AKAP9: variants seen among roughly 807,000 people sequenced by gnomAD.
The protein encoded by AKAP9 is A-kinase anchoring protein 9.
Under a neutral mutation model 488.5 loss-of-function variants are expected in AKAP9, and 311 were observed. The ratio of observed to expected loss-of-function variants is 0.64; its 90% CI spans 0.58 to 0.70. The LOEUF (loss-of-function observed/expected upper bound fraction) is 0.70, where lower values mean the gene tolerates loss of function less well. Among genes scored for constraint, AKAP9 ranks in the 30% least tolerant of loss-of-function variants. The pLI is 0.00. For missense variants in AKAP9, 4,215 were observed against 4,374.5 expected, an observed-to-expected ratio of 0.96 and a Z score of 1.03; for synonymous variants, 1,462 against 1,483.5, an observed-to-expected ratio of 0.99 and a Z score of 0.33.
intron 41 of AKAP9, 56 bp from the exon 42 acceptor site, chr7:92,097,530 T>G (rs749008420): frequency 2.6e-6 from 4 of 1,565,180 alleles, no homozygotes; most frequent in South Asian, 1.1e-5. Flanking sequence ...TAAGATAGAC[T>G]GTGATATGCT....
intron 7 of AKAP9, among the ~76,000 whole-genome samples, chr7:91,999,702 G>A (rs771093764): frequency 2.0e-5 from 3 of 152,158 alleles, no homozygotes; most frequent in Non-Finnish European, 4.4e-5. Flanking sequence ...CTTAAATGCT[G>A]TTTGCTGCAA....
intron 21 of AKAP9, 131 bp downstream of exon 21, chr7:92,045,344 C>T: frequency 1.2e-6 from 1 of 834,838 alleles, no homozygotes; most frequent in African/African-American, 1.7e-5. Context: ...AACAGAAATA[C>T]ATTAGAGCAA....
chr7:92,052,721 T>C lies in AKAP9; in HGVS notation c.5369-5T>C. 1.3e-6 allele frequency: 2 copies of C among 1,588,342 alleles called. No individual in the cohort carries two copies. Among genetic ancestry groups the C allele is most frequent in the Non-Finnish European group, 8.6e-7 (1 of 1,157,274 alleles). ...ATTTATGCCTTTAAAACACTGTTATTCTAGTTACAGATGAATCCATTCCCT... is the reference window on the plus strand; with the variant it reads ...ATTTATGCCTTTAAAACACTGTTATCCTAGTTACAGATGAATCCATTCCCT... On this transcript the variant is annotated splice_region_variant and splice_polypyrimidine_tract_variant and intron_variant, in intron 21 of 49. Coordinates refer to ENST00000356239, the MANE Select transcript of AKAP9 (RefSeq NM_005751.5).
intron 1 of AKAP9, among the ~76,000 whole-genome samples, chr7:91,959,552 C>T (rs1793476578): frequency 6.6e-6 from 1 of 152,132 alleles, no homozygotes; most frequent in Non-Finnish European, 1.5e-5. Flanking sequence ...GTGATCTTTC[C>T]ACTTTAGCTT....
In AKAP9 at chr7:92,096,881, C is replaced by T. The variant is rs771217988; in HGVS notation, c.9922C>T (p.Arg3308Ter). ...GGTACTTCTTGAATCTGAGAAAGTTCGAATTCGGGAAATGAGTAGTACCCT... is the reference window on the plus strand; with the variant it reads ...GGTACTTCTTGAATCTGAGAAAGTTTGAATTCGGGAAATGAGTAGTACCCT... ...LQVLLESEKVRIREMSSTLDR... is the reference protein window; with the variant it reads ...LQVLLESEKV Residue 3308 changes from arginine to a stop codon, truncating the protein, a stop_gained, in exon 41 of 50, where the codon CGA (arginine) becomes TGA (stop). Transcript: ENST00000356239. LOFTEE classifies it high-confidence loss of function. 2 of 1,614,078 alleles carry T rather than the reference C, an allele frequency of 1.2e-6. No individual in the cohort carries two copies. The highest frequency in any genetic ancestry group is 2.2e-5 in the East Asian group (1 of 44,880).
At chr7:92,010,153 G>T (rs1800486168) in intron 8 of AKAP9, among the ~76,000 whole-genome samples, 1 of 152,200 alleles carries the variant, frequency 6.6e-6, no homozygotes, top group Non-Finnish European at 1.5e-5. Flanking sequence ...TAAAGATAAA[G>T]TTATAGGAAA....
intron 17 of AKAP9, among the ~76,000 whole-genome samples, chr7:92,040,468 A>G (rs1458914647): frequency 2.0e-5 from 3 of 152,134 alleles, no homozygotes; most frequent in Non-Finnish European, 2.9e-5. Flanking sequence ...GAAAATAATG[A>G]TAAAGTAGCT....
chr7:92,022,194 A>C (rs761610680), intron 12 of AKAP9, 44 bp from the exon 13 acceptor site: 2 of 1,422,132 alleles, frequency 1.4e-6, no homozygotes, highest in South Asian at 2.3e-5. Flanking sequence ...TAATTGCTGG[A>C]TTATGTATTT....
chr7:92,086,270 C>T lies in AKAP9; in HGVS notation c.9067C>T (p.Arg3023Ter), dbSNP rs773435639. Reference protein sequence around the residue: ...SQSHESFSDWRGELLLALQQV... With the variant: ...SQSHESFSDW ...ATCTCATGAGAGCTTCTCAGACTGG[C>T]GAGGTGAACTACTGCTTGCCCTTCA... The change falls in exon 37 of 50, where the codon CGA (arginine) becomes TGA (stop). Residue 3023 changes from arginine (R) to a stop codon, truncating the protein, a stop_gained. Coordinates refer to ENST00000356239, the MANE Select transcript of AKAP9 (RefSeq NM_005751.5). LOFTEE classifies it high-confidence loss of function. 1.2e-6 allele frequency: 2 copies of T among 1,613,926 alleles called. No homozygotes were observed. The highest frequency in any genetic ancestry group is 1.3e-5 in the African/African-American group (1 of 74,896).
chr7:91,951,465 C>T (rs545934381), intron 1 of AKAP9, among the ~76,000 whole-genome samples: 19 of 152,170 alleles, frequency 1.2e-4, no homozygotes, highest in South Asian at 8.3e-4. Flanking sequence ...GCTGGGGCTG[C>T]GGGGGCTCAC....
chr7:91,968,373 G>T (rs548412068), intron 1 of AKAP9, among the ~76,000 whole-genome samples: 6 of 152,120 alleles, frequency 3.9e-5, no homozygotes, highest in South Asian at 2.1e-4. Context: ...CTAGGTTTTT[G>T]AATTTGTTAG....
chr7:91,988,701 A>AG (rs1797402077), intron 3 of AKAP9, among the ~76,000 whole-genome samples: 1 of 152,176 alleles, frequency 6.6e-6, no homozygotes, highest in Admixed American at 6.6e-5. Context: ...AGAAAAGAGC[A>AG]GGGGGACTTT....
At chr7:91,955,778 C>T (rs1163098816) in intron 1 of AKAP9, among the ~76,000 whole-genome samples, 1 of 152,092 alleles carries the variant, frequency 6.6e-6, no homozygotes, top group Non-Finnish European at 1.5e-5. Flanking sequence ...GGATTGCAGG[C>T]ACCTGCCACC....
At chr7:92,055,788 A>G (rs1295570383) in intron 22 of AKAP9, among the ~76,000 whole-genome samples, 1 of 152,056 alleles carries the variant, frequency 6.6e-6, no homozygotes, top group African/African-American at 2.4e-5. Context: ...CTGAACATCA[A>G]TTAATATATC....
intron 28 of AKAP9, among the ~76,000 whole-genome samples, chr7:92,074,219 A>G (rs1001598715): frequency 3.9e-5 from 6 of 152,246 alleles, no homozygotes; most frequent in East Asian, 3.8e-4. Flanking sequence ...ACGAACAGAC[A>G]CTTCTCAAAA....
At chr7:91,972,477 G>A (rs992680706) in intron 1 of AKAP9, among the ~76,000 whole-genome samples, 1 of 152,084 alleles carries the variant, frequency 6.6e-6, no homozygotes, top group Non-Finnish European at 1.5e-5. Context: ...TTTGGTGATG[G>A]GCAGATTAGG....
intron 3 of AKAP9, among the ~76,000 whole-genome samples, chr7:91,983,116 G>T (rs961614477): frequency 5.9e-5 from 9 of 151,394 alleles, no homozygotes. Flanking sequence ...GGTTTGCTAC[G>T]TAGGTATACA....
At chr7:92,067,035 C>G (rs2130834175) in intron 26 of AKAP9, among the ~76,000 whole-genome samples, 1 of 152,308 alleles carries the variant, frequency 6.6e-6, no homozygotes, top group South Asian at 2.1e-4. Flanking sequence ...TTATTGCAGC[C>G]TTCTCCCAGA....
chr7:92,011,807 T>A (rs752450031), intron 8 of AKAP9, among the ~76,000 whole-genome samples: 1 of 152,154 alleles, frequency 6.6e-6, no homozygotes, highest in African/African-American at 2.4e-5. Flanking sequence ...CCTGGTGACA[T>A]AACAGTGAAT....
Sources: allele counts gnomAD v4.1 joint callset (sites outside exome capture counted in the v4.1 genomes callset), GRCh38; gene constraint gnomAD v4.1.1; transcripts MANE v1.5; gene names NCBI Gene and HGNC (gene_info 2026-07-23, HGNC 2026-07-21).